The following N4BP1 variants were observed in gnomAD, a reference collection of about 807,000 sequenced individuals.
The protein encoded by N4BP1 is NEDD4-binding protein 1.
A neutral mutation model predicts 70.9 loss-of-function variants in N4BP1; 21 were observed. That is an observed-to-expected ratio of 0.30 (90% CI 0.21 to 0.43). The LOEUF is 0.43. N4BP1 is among the 20% of genes least tolerant of loss of function. The pLI is 1.00. For synonymous variants in N4BP1, 387 were observed against 394.6 expected, an observed-to-expected ratio of 0.98 and a Z score of 0.23; for missense variants, 936 against 1,069.4, an observed-to-expected ratio of 0.88 and a Z score of 1.74.
At position 48,560,837 on chromosome 16, in the gene N4BP1, T is replaced by TA; in HGVS notation, c.1805dup (p.Pro603ThrfsTer9). 1 of 1,613,946 alleles carries TA rather than the reference T, an allele frequency of 6.2e-7. No individual in the cohort carries two copies. Among genetic ancestry groups the TA allele is most frequent in the Non-Finnish European group, 8.5e-7 (1 of 1,179,872 alleles). On this transcript the variant is annotated frameshift_variant, in exon 2 of 7. Transcript: ENST00000262384. LOFTEE classifies it high-confidence loss of function. Reference sequence around the variant, plus strand: ...CATTTTTTAATTCCAGCTTGTAGGGTATTTTTAGAGTATCTCGAAACCTTT... The same window carrying TA: ...CATTTTTTAATTCCAGCTTGTAGGGTAATTTTTAGAGTATCTCGAAACCTTT...
chr16:48,574,188 G>T (rs1247533604), intron 1 of N4BP1, among the ~76,000 whole-genome samples: 6 of 152,152 alleles, frequency 3.9e-5, no homozygotes, highest in Non-Finnish European at 8.8e-5. Flanking sequence ...AGTACTACTT[G>T]ATTTTCTGTT....
chr16:48,584,610 CA>C (rs3884288), intron 1 of N4BP1, among the ~76,000 whole-genome samples: 7 of 149,816 alleles, frequency 4.7e-5, no homozygotes, highest in African/African-American at 1.5e-4. Flanking sequence ...CTTTTAAGGA[CA>C]AAAAAAAACA....
chr16:48,563,859 G>A (rs1054016876), intron 1 of N4BP1, among the ~76,000 whole-genome samples: 1 of 152,168 alleles, frequency 6.6e-6, no homozygotes, highest in Non-Finnish European at 1.5e-5. Flanking sequence ...TCAGAACAGG[G>A]TAATTAGCAT....
chr16:48,602,049 C>G (rs1210904610), intron 1 of N4BP1, among the ~76,000 whole-genome samples: 2 of 152,130 alleles, frequency 1.3e-5, no homozygotes, highest in African/African-American at 2.4e-5. Context: ...ATGGTGAAAC[C>G]CTGTCTCTAC....
intron 4 of N4BP1, 61 bp downstream of exon 4, chr16:48,551,325 G>A: frequency 7.9e-7 from 1 of 1,260,938 alleles, no homozygotes; most frequent in African/African-American, 1.5e-5. Flanking sequence ...GTCCAGCAGA[G>A]CAGGTGGCTG....
At chr16:48,559,052 G>C (rs533497195) in intron 2 of N4BP1, among the ~76,000 whole-genome samples, 4 of 152,224 alleles carry the variant, frequency 2.6e-5, no homozygotes, top group African/African-American at 9.6e-5. Flanking sequence ...CCATATATCT[G>C]AGATTTCCTT....
At chr16:48,609,730 G>C in intron 1 of N4BP1, 45 bp downstream of exon 1, 1 of 1,297,586 alleles carries the variant, frequency 7.7e-7, no homozygotes, top group Non-Finnish European at 9.8e-7. Flanking sequence ...CGGAGACCCG[G>C]ACCGATCGAG....
chr16:48,609,343 T>C (rs942455284), intron 1 of N4BP1, among the ~76,000 whole-genome samples: 6 of 152,150 alleles, frequency 3.9e-5, no homozygotes, highest in Admixed American at 6.5e-5. Flanking sequence ...AGAACTGCAG[T>C]AGTGGAGGCC....
At chr16:48,595,875 A>G (rs972091520) in intron 1 of N4BP1, among the ~76,000 whole-genome samples, 5 of 152,292 alleles carry the variant, frequency 3.3e-5, no homozygotes, top group East Asian at 1.9e-4. Context: ...AGGAGCCCCA[A>G]GTTATCTTGG....
At chr16:48,592,655 A>G (rs1964355283) in intron 1 of N4BP1, among the ~76,000 whole-genome samples, 1 of 152,264 alleles carries the variant, frequency 6.6e-6, no homozygotes, top group Admixed American at 6.5e-5. Context: ...TTTAGTTCAT[A>G]TAACTTTCGT....
At chr16:48,571,304 C>T (rs548408221) in intron 1 of N4BP1, among the ~76,000 whole-genome samples, 78 of 152,302 alleles carry the variant, frequency 5.1e-4, no homozygotes, top group Non-Finnish European at 1.1e-3. Flanking sequence ...GATTTATTCT[C>T]CAGATGAAAG....
In N4BP1 at chr16:48,605,033, CTTTT is replaced by C. The variant is rs111673638; in HGVS notation, c.198+4738_198+4741del. Among the ~76,000 whole-genome samples, 107 of 145,586 alleles carry C rather than the reference CTTTT, an allele frequency of 7.3e-4. 1 individual carries two copies. Among genetic ancestry groups the C allele is most frequent in the African/African-American group, 2.0e-3 (79 of 39,978 alleles). On this transcript the variant is annotated intron_variant, in intron 1 of 6. Coordinates refer to ENST00000262384, the MANE Select transcript of N4BP1 (RefSeq NM_153029.4). The stretch of plus-strand genomic sequence containing the variant: ...GGTTCTTTGATCTAAAAGAAGGGTT[CTTTT>C]TTTTTTTTTCTCAAGACAGAGTTTT...
chr16:48,542,957 C>T lies in N4BP1; in HGVS notation c.2638G>A (p.Ala880Thr). The change falls in exon 7 of 7, where the codon GCC becomes ACC. Residue 880 changes from alanine (A) to threonine (T), a missense_variant. By Grantham distance (58) the Ala-to-Thr change is moderately conservative (BLOSUM62 0). This residue lies in a region of N4BP1 where 229 missense variants were observed against 343.5 expected (regional missense o/e 0.67). Coordinates refer to ENST00000262384, the MANE Select transcript of N4BP1 (RefSeq NM_153029.4). ...TTTAGATCTTTCATGTATGGGTGGG[C>T]CACCAAGATCTGGTCTATTTTCAGT... ...QRLKIDQILV[A>T]HPYMKDLNAL... 1 of 1,613,710 alleles carries T rather than the reference C, an allele frequency of 6.2e-7. No individual in the cohort carries two copies. Among genetic ancestry groups the T allele is most frequent in the East Asian group, 2.2e-5 (1 of 44,878 alleles).
intron 2 of N4BP1, among the ~76,000 whole-genome samples, chr16:48,560,084 G>C (rs142350131): frequency 6.9e-6 from 1 of 144,586 alleles, no homozygotes; most frequent in Non-Finnish European, 1.5e-5. Flanking sequence ...CCTTAGCCAC[G>C]ATCTTAAACT....
At chr16:48,546,672 T>C (rs1963595820) in intron 5 of N4BP1, 1 of 153,784 alleles carries the variant, frequency 6.5e-6, no homozygotes, top group African/African-American at 2.4e-5. Context: ...CTGAAAATAA[T>C]ATTTTTAAAA....
intron 1 of N4BP1, among the ~76,000 whole-genome samples, chr16:48,576,869 C>T (rs543237658): frequency 3.3e-5 from 5 of 152,284 alleles, no homozygotes; most frequent in East Asian, 1.9e-4. Flanking sequence ...ACTGCTGATG[C>T]GTGGAACTAC....
At chr16:48,552,495 C>T (rs933349365) in intron 3 of N4BP1, among the ~76,000 whole-genome samples, 4 of 151,400 alleles carry the variant, frequency 2.6e-5, no homozygotes, top group Non-Finnish European at 4.4e-5. Context: ...GTCAGGAGTT[C>T]GAGACCAGCC....
intron 1 of N4BP1, among the ~76,000 whole-genome samples, chr16:48,588,426 T>C (rs1304055826): frequency 6.6e-6 from 1 of 151,738 alleles, no homozygotes; most frequent in Non-Finnish European, 1.5e-5. Flanking sequence ...TCCCAAGTAG[T>C]TGGGATTACA....
intron 3 of N4BP1, among the ~76,000 whole-genome samples, chr16:48,553,119 C>CA (rs1324279879): frequency 6.6e-6 from 1 of 152,146 alleles, no homozygotes. Flanking sequence ...GCAAGTCAGC[C>CA]AGAGTACTTT....
Sources: gnomAD v4.1 joint callset for allele counts (sites outside exome capture counted in the v4.1 genomes callset) on GRCh38, gnomAD v4.1.1 for gene constraint, gnomAD v4.1.1 regional missense constraint, MANE v1.5 for transcripts, NCBI Gene and HGNC (gene_info 2026-07-23, HGNC 2026-07-21) for gene names.